EMID1: variants seen among roughly 807,000 people sequenced by gnomAD.
EMID1 encodes the protein EMI domain-containing protein 1.
In EMID1, 40 loss-of-function variants were observed where a neutral mutation model predicts 60.6. The observed-to-expected ratio is 0.66, with a 90% CI of 0.51 to 0.86. The LOEUF (loss-of-function observed/expected upper bound fraction) is 0.86. EMID1 is among the 40% of genes least tolerant of loss of function. The pLI is 0.00. For missense variants in EMID1, 585 were observed against 597.1 expected, an observed-to-expected ratio of 0.98 and a Z score of 0.21; for synonymous variants, 242 against 231.0, an observed-to-expected ratio of 1.05 and a Z score of -0.43.
At chr22:29,246,318 G>C (rs2041329964) in intron 13 of EMID1, among the ~76,000 whole-genome samples, 1 of 152,232 alleles carries the variant, frequency 6.6e-6, no homozygotes, top group Non-Finnish European at 1.5e-5. Context: ...GCAGTGGGGA[G>C]GCATTGAAGG....
chr22:29,252,434 A>G (rs1468678616), intron 13 of EMID1, among the ~76,000 whole-genome samples: 1 of 152,248 alleles, frequency 6.6e-6, no homozygotes. Flanking sequence ...AAGGGCACCA[A>G]GAGAGATTTC....
chr22:29,231,777 C>G, intron 7 of EMID1, 95 bp downstream of exon 7: 3 of 1,239,626 alleles, frequency 2.4e-6, no homozygotes. Context: ...ATGACCTGGG[C>G]CCTTTCATCT....
intron 10 of EMID1, 79 bp from the exon 11 acceptor site, chr22:29,234,058 C>T: frequency 2.6e-6 from 4 of 1,519,332 alleles, no homozygotes; most frequent in East Asian, 2.5e-5. Context: ...TGAGCGCCCT[C>T]CCCAACACCT....
chr22:29,228,605 C>G (rs1180471463), intron 5 of EMID1, among the ~76,000 whole-genome samples: 1 of 152,154 alleles, frequency 6.6e-6, no homozygotes. Context: ...GATTCAGAAA[C>G]AGGGTCTTGC....
At chr22:29,243,737 C>G (rs2041231271) in intron 13 of EMID1, among the ~76,000 whole-genome samples, 1 of 152,250 alleles carries the variant, frequency 6.6e-6, no homozygotes, top group Non-Finnish European at 1.5e-5. Flanking sequence ...CTGTCCCTGT[C>G]TCCACCTTCC....
chr22:29,206,358 ACC>A (rs1173030813), intron 1 of EMID1, among the ~76,000 whole-genome samples: 1 of 151,924 alleles, frequency 6.6e-6, no homozygotes, highest in Non-Finnish European at 1.5e-5. Flanking sequence ...CTCCCTTTCA[ACC>A]CAGGAGCTCG....
intron 13 of EMID1, among the ~76,000 whole-genome samples, chr22:29,250,814 C>CA (rs1041590006): frequency 2.0e-4 from 26 of 131,500 alleles, no homozygotes; most frequent in African/African-American, 7.4e-4. Flanking sequence ...AGGCTGGTCT[C>CA]AAACTCCTGA....
chr22:29,237,758 G>A (rs779435131), intron 12 of EMID1, among the ~76,000 whole-genome samples: 12 of 142,900 alleles, frequency 8.4e-5, no homozygotes, highest in South Asian at 2.3e-4. Flanking sequence ...TGGAGATCGC[G>A]CCACTGCACT....
At chr22:29,258,658 T>C (rs1245886385) in intron 14 of EMID1, among the ~76,000 whole-genome samples, 159 bp from the exon 15 acceptor site, 1 of 152,074 alleles carries the variant, frequency 6.6e-6, no homozygotes, top group Admixed American at 6.5e-5. Context: ...CACCAACCAA[T>C]CTGCAGACCC....
At chr22:29,230,178 CA>C (rs2146280650) in intron 5 of EMID1, among the ~76,000 whole-genome samples, 1 of 151,992 alleles carries the variant, frequency 6.6e-6, no homozygotes, top group Non-Finnish European at 1.5e-5. Context: ...ACTAAAAATA[CA>C]AAAATTAGCT....
intron 4 of EMID1, among the ~76,000 whole-genome samples, chr22:29,225,870 C>G (rs2040488857): frequency 6.6e-6 from 1 of 152,196 alleles, no homozygotes; most frequent in South Asian, 2.1e-4. Context: ...GTGAATGACT[C>G]ATGTCATTCT....
At chr22:29,244,928 C>T (rs1279729641) in intron 13 of EMID1, among the ~76,000 whole-genome samples, 1 of 152,018 alleles carries the variant, frequency 6.6e-6, no homozygotes, top group Non-Finnish European at 1.5e-5. Flanking sequence ...ATTGTGACTC[C>T]CCCTCCACAT....
In EMID1 at chr22:29,214,967, A is replaced by C; in HGVS notation, c.143A>C (p.His48Pro). Residue 48 changes from histidine (H) to proline (P), a missense_variant, in exon 2 of 15, where the codon CAT (histidine) becomes CCT (proline). Physicochemically the swap from His to Pro is moderately conservative, Grantham distance 77 (BLOSUM62 -2). Coordinates refer to ENST00000334018, the MANE Select transcript of EMID1 (RefSeq NM_133455.4). The part of the protein sequence containing the change: ...SYVVTRTISC[H>P]VQNGTYLQRV... ...GTGGTGACCCGCACCATCTCATGCC[A>C]TGTGCAGAATGGCACCTACCTTCAG... 1 of 1,551,798 alleles carries C rather than the reference A, an allele frequency of 6.4e-7. No individual in the cohort carries two copies. Among genetic ancestry groups the C allele is most frequent in the Non-Finnish European group, 8.7e-7 (1 of 1,146,066 alleles).
chr22:29,243,409 C>G (rs1336222113), intron 12 of EMID1, 36 bp from the exon 13 acceptor site: 2 of 1,611,442 alleles, frequency 1.2e-6, no homozygotes, highest in Non-Finnish European at 1.7e-6. Context: ...GTCTCCTTGC[C>G]TTCCTCACTG....
rs943519579 is a variant in EMID1, at chr22:29,235,757, A to T, written c.1074+1408A>T. Among the ~76,000 whole-genome samples the T allele has an allele frequency of 3.4e-4, 48 of 141,840 alleles. 1 individual carries two copies. The highest frequency in any genetic ancestry group is 2.3e-3 in the Admixed American group (32 of 14,216). The allele number at this position is 141,840 out of a possible 152,430, so 93.1% of individuals were successfully genotyped here. A position where few individuals can be genotyped will look rare whatever the true frequency, so the allele number is the denominator to read the frequency against. On this transcript the variant is annotated intron_variant, in intron 12 of 14. Transcript: ENST00000334018. ...TTCTAAAATTAATTTTCTTTCTAGA[A>T]TTAAAGCTTTCTAGAATTTAAGCTT...
chr22:29,258,797 C>G lies in EMID1; in HGVS notation c.1205-20C>G, dbSNP rs1490930886. Reference sequence around the variant, plus strand: ...CATGAACCCCTCTAATGTGGCCTCTCTCCTTCTTCCCTCCGGCAGAACCAG... The same window carrying G: ...CATGAACCCCTCTAATGTGGCCTCTGTCCTTCTTCCCTCCGGCAGAACCAG... On this transcript the variant is annotated intron_variant, in intron 14 of 14. Coordinates refer to ENST00000334018, the MANE Select transcript of EMID1 (RefSeq NM_133455.4). The G allele has an allele frequency of 6.2e-7, 1 of 1,612,724 alleles. No individual in the cohort carries two copies. Among genetic ancestry groups the G allele is most frequent in the East Asian group, 2.2e-5 (1 of 44,858 alleles).
chr22:29,216,003 A>G (rs2040067178), intron 3 of EMID1, among the ~76,000 whole-genome samples: 1 of 152,190 alleles, frequency 6.6e-6, no homozygotes, highest in Admixed American at 6.5e-5. Flanking sequence ...CATGGGTCAG[A>G]GAGGTAAGAA....
chr22:29,234,099 G>T, intron 10 of EMID1, 38 bp from the exon 11 acceptor site: 1 of 1,556,830 alleles, frequency 6.4e-7, no homozygotes, highest in Non-Finnish European at 8.7e-7. Context: ...ACTCCATCCT[G>T]CCCCAACACA....
At position 29,258,964 on chromosome 22, in the gene EMID1, G is replaced by A; in HGVS notation, c.*20G>A. 6.2e-7 allele frequency: 1 copy of A among 1,607,112 alleles called. No individual in the cohort carries two copies. The highest frequency in any genetic ancestry group is 2.2e-5 in the East Asian group (1 of 44,564). ...GGCTGAGGGTGGTGGCGGCCCCTGA[G>A]GCAGACCAGGCCAGGCTTCCCCTCC... is the stretch of plus-strand genomic sequence containing the variant. On this transcript the variant is annotated 3_prime_UTR_variant, in exon 15 of 15. Coordinates refer to ENST00000334018, the MANE Select transcript of EMID1 (RefSeq NM_133455.4).
Sources: gnomAD v4.1 joint callset for allele counts (sites outside exome capture counted in the v4.1 genomes callset) on GRCh38, gnomAD v4.1.1 for gene constraint, MANE v1.5 for transcripts, NCBI Gene and HGNC (gene_info 2026-07-23, HGNC 2026-07-21) for gene names.